WDPCP: variants seen among roughly 807,000 people sequenced by gnomAD.
WDPCP encodes WD repeat-containing and planar cell polarity effector protein fritz homolog.
A neutral mutation model predicts 93.1 loss-of-function variants in WDPCP; 71 were observed. That is an observed-to-expected ratio of 0.76 (90% CI 0.63 to 0.93). The LOEUF (loss-of-function observed/expected upper bound fraction) is 0.93. Ranked by LOEUF, WDPCP falls within the 40% of genes least tolerant of loss-of-function variation. The probability of loss-of-function intolerance (pLI) is 0.00; values close to 1 mark genes in which losing one functional copy is unlikely to be tolerated. For missense variants in WDPCP, 844 were observed against 887.4 expected, an observed-to-expected ratio of 0.95 and a Z score of 0.62; for synonymous variants, 315 against 315.0, an observed-to-expected ratio of 1.00 and a Z score of 0.00.
the WDPCP span, among the ~76,000 whole-genome samples, chr2:63,836,680 G>A: frequency 1.1e-4 from 17 of 152,048 alleles, no homozygotes; most frequent in Non-Finnish European, 2.5e-4. Context: ...TCAAAGGGGC[G>A]GACACAATTT....
chr2:63,495,476 A>G (rs1298150070), intron 1 of WDPCP, among the ~76,000 whole-genome samples: 2 of 152,230 alleles, frequency 1.3e-5, no homozygotes, highest in Non-Finnish European at 2.9e-5. Context: ...TAAACTGCAG[A>G]CTTTTCATAT....
intron 14 of WDPCP, chr2:63,232,673 T>C (rs1158788643): frequency 6.5e-6 from 1 of 153,010 alleles, no homozygotes; most frequent in African/African-American, 2.4e-5. Context: ...ATTTTGTCTT[T>C]TCCTCTTATG....
intron 7 of WDPCP, 148 bp from the exon 8 acceptor site, chr2:63,437,702 T>C (rs1697230902): frequency 1.9e-6 from 2 of 1,031,318 alleles, no homozygotes; most frequent in African/African-American, 1.6e-5. Flanking sequence ...TTTATAAAAA[T>C]ATTAAAGATA....
At chr2:63,567,592 C>T (rs1399176936) in intron 1 of WDPCP, among the ~76,000 whole-genome samples, 3 of 152,198 alleles carry the variant, frequency 2.0e-5, no homozygotes, top group African/African-American at 7.2e-5. Flanking sequence ...TTTCCCCCTA[C>T]TTAGCTACAG....
chr2:63,345,958 T>C (rs1361948134), intron 12 of WDPCP, among the ~76,000 whole-genome samples: 1 of 152,154 alleles, frequency 6.6e-6, no homozygotes, highest in Non-Finnish European at 1.5e-5. Context: ...GGTAGGAGAC[T>C]ATACAACTAA....
At position 63,601,725 on chromosome 2, in the gene WDPCP, A is replaced by G. The variant is rs993614511; in HGVS notation, n.488+48934T>C. ...AAGAACAAAGGAAGGCATGGGAGCC[A>G]AGGAGGACTGAGGGTGGAGAGGCCT... On this transcript the variant is annotated intron_variant and non_coding_transcript_variant, in intron 3 of 4. Transcript: ENST00000467687. Among the ~76,000 whole-genome samples, 10 of 152,352 alleles carry G rather than the reference A, an allele frequency of 6.6e-5. No homozygotes were observed. In the East Asian group the frequency reaches 1.9e-3, roughly 29 times the overall value.
At position 63,322,378 on chromosome 2, in the gene WDPCP, G is replaced by A. The variant is rs561623372; in HGVS notation, c.1749-9067C>T. The stretch of plus-strand genomic sequence containing the variant: ...TCGGGTCCCCTTCCATGCTGTGGAA[G>A]CTTTGTTCTTTCGCTCTTCACAATA... On this transcript the variant is annotated intron_variant, in intron 12 of 17. Transcript: ENST00000272321. Among the ~76,000 whole-genome samples the A allele has an allele frequency of 3.3e-5, 5 of 152,280 alleles. No homozygotes were observed. In the East Asian group the frequency reaches 5.8e-4, roughly 18 times the overall value.
rs1014763132 is a variant in WDPCP at position 63,149,943 on chromosome 2, G to A, written c.2190+2971C>T. 2.6e-5 allele frequency among the ~76,000 whole-genome samples: 4 copies of A among 152,118 alleles called. No individual in the cohort carries two copies. In the South Asian group the frequency reaches 6.2e-4, roughly 24 times the overall value. ...TTATGCCCAGGAGTTTGAGGTTACA[G>A]TGAGCTGTATTCATGCAACTGCACT... On this transcript the variant is annotated intron_variant, in intron 17 of 17. Coordinates refer to ENST00000272321, the MANE Select transcript of WDPCP (RefSeq NM_015910.7).
intron 1 of WDPCP, among the ~76,000 whole-genome samples, chr2:63,498,999 T>A (rs187851869): frequency 7.9e-5 from 12 of 152,250 alleles, no homozygotes; most frequent in African/African-American, 2.7e-4. Context: ...CAGGGCCTTA[T>A]GAGATCTAAA....
chr2:63,485,325 A>T (rs1465667850), intron 4 of WDPCP, among the ~76,000 whole-genome samples: 1 of 151,586 alleles, frequency 6.6e-6, no homozygotes, highest in Non-Finnish European at 1.5e-5. Flanking sequence ...TTCAATCCAA[A>T]AGAAATTCCA....
intron 1 of WDPCP, among the ~76,000 whole-genome samples, chr2:63,548,062 T>C (rs989880567): frequency 6.6e-6 from 1 of 151,956 alleles, no homozygotes; most frequent in African/African-American, 2.4e-5. Flanking sequence ...TATGCATCAA[T>C]AAAAAATATT....
chr2:63,280,322 A>C (rs923229995), intron 13 of WDPCP, among the ~76,000 whole-genome samples: 3 of 152,166 alleles, frequency 2.0e-5, no homozygotes, highest in Non-Finnish European at 4.4e-5. Context: ...AAGAAGCAAA[A>C]ACGGAAACCA....
intron 2 of WDPCP, among the ~76,000 whole-genome samples, chr2:63,732,536 T>C (rs1002318536): frequency 6.6e-6 from 1 of 152,208 alleles, no homozygotes; most frequent in African/African-American, 2.4e-5. Flanking sequence ...AGGAGATATA[T>C]ACTTATTAGA....
intron 10 of WDPCP, among the ~76,000 whole-genome samples, chr2:63,398,766 GA>G (rs35826419): frequency 0.45 from 65,629 of 147,360 alleles, 14,545 homozygotes; most frequent in Non-Finnish European, 0.47. Flanking sequence ...ACAAGCATCT[GA>G]AAAAAAAAAA....
intron 2 of WDPCP, among the ~76,000 whole-genome samples, chr2:63,678,827 T>C (rs952511667): frequency 5.3e-5 from 8 of 152,196 alleles, no homozygotes; most frequent in African/African-American, 1.9e-4. Context: ...GGGATGTGCC[T>C]GATGTAGAGC....
At chr2:63,723,072 G>T (rs1206735538) in intron 2 of WDPCP, among the ~76,000 whole-genome samples, 1 of 152,136 alleles carries the variant, frequency 6.6e-6, no homozygotes, top group Non-Finnish European at 1.5e-5. Context: ...TTGTTAAACA[G>T]ATGCTTGAAG....
intron 2 of WDPCP, among the ~76,000 whole-genome samples, chr2:63,727,304 C>A (rs1183410471): frequency 6.6e-6 from 1 of 152,120 alleles, no homozygotes; most frequent in Non-Finnish European, 1.5e-5. Context: ...CTGAGATAAT[C>A]ATGTAGTTTT....
At chr2:63,692,439 A>G (rs1050629544) in intron 2 of WDPCP, among the ~76,000 whole-genome samples, 45 of 152,342 alleles carry the variant, frequency 3.0e-4, no homozygotes, top group African/African-American at 1.1e-3. Flanking sequence ...TCATGAAGTT[A>G]TTACTGTCAA....
chr2:63,730,848 C>T (rs1267299110), intron 2 of WDPCP, among the ~76,000 whole-genome samples: 1 of 152,046 alleles, frequency 6.6e-6, no homozygotes, highest in African/African-American at 2.4e-5. Context: ...TGTTGATGTC[C>T]TCACTGCTGA....
Sources: gnomAD v4.1 joint callset for allele counts (sites outside exome capture counted in the v4.1 genomes callset) on GRCh38, gnomAD v4.1.1 for gene constraint, MANE v1.5 for transcripts, NCBI Gene and HGNC (gene_info 2026-07-23, HGNC 2026-07-21) for gene names.